The following PCDHGA3 variants were observed in gnomAD, a reference collection of about 807,000 sequenced individuals.
PCDHGA3 encodes protocadherin gamma subfamily A, 3, also known as protocadherin gamma-A3.
Under a neutral mutation model 58.5 loss-of-function variants are expected in PCDHGA3, and 40 were observed. The observed-to-expected ratio is 0.68, with a 90% CI of 0.53 to 0.89. The LOEUF is 0.89. Ranked by LOEUF, PCDHGA3 falls within the 40% of genes least tolerant of loss-of-function variation. The pLI, the probability that PCDHGA3 is intolerant of heterozygous loss-of-function variation, is 0.00. For missense variants in PCDHGA3, 1,223 were observed against 1,195.9 expected (o/e 1.02, Z -0.33); for synonymous variants, 530 against 525.7 (o/e 1.01, Z -0.11).
At position 141,486,348 on chromosome 5, in the gene PCDHGA3, A is replaced by G. The variant is rs754981437; in HGVS notation, c.2425-8459A>G. ...GATGTGAGCCTCCGCATTCCTGACC[A>G]CTTGCCATTTGCCCTCAAGTCTGCC... is the stretch of plus-strand genomic sequence containing the variant. On this transcript the variant is annotated intron_variant, in intron 1 of 3. Transcript: ENST00000253812. The surrounding 1 kb of genome is among the most constrained non-coding windows in gnomAD (Gnocchi z 5.0). 1.9e-6 allele frequency: 3 copies of G among 1,613,900 alleles called. No individual in the cohort carries two copies. The highest frequency in any genetic ancestry group is 2.5e-6 in the Non-Finnish European group (3 of 1,179,996).
Position 141,493,876 on chromosome 5 carries a change from G to T in PCDHGA3, c.2425-931G>T, listed in dbSNP as rs2099750541. 6.6e-6 allele frequency among the ~76,000 whole-genome samples: 1 copy of T among 152,194 alleles called. No homozygotes were observed. ...CAGCCCACCCCAGAACCAGTGAGGA[G>T]GTGGCTCTAGGAGTGCTCCATGAGA... On this transcript the variant is annotated intron_variant, in intron 1 of 3. Transcript: ENST00000253812. The surrounding 1 kb of genome is among the most constrained non-coding windows in gnomAD (Gnocchi z 4.3).
At chr5:141,478,576 G>A (rs543160289) in intron 1 of PCDHGA3, 1 of 1,585,480 alleles carries the variant, frequency 6.3e-7, no homozygotes, top group Non-Finnish European at 8.6e-7. Flanking sequence ...GCTTGACCCT[G>A]TTAGTGCTTT....
intron 1 of PCDHGA3, chr5:141,426,750 G>A (rs1287163824): frequency 2.2e-6 from 1 of 456,160 alleles, no homozygotes; most frequent in Non-Finnish European, 4.4e-6. Context: ...CCTGGAATCT[G>A]CTATAGATGC....
chr5:141,361,157 A>C, intron 1 of PCDHGA3: 1 of 1,613,974 alleles, frequency 6.2e-7, no homozygotes, highest in African/African-American at 1.3e-5. Context: ...CTTGATGACA[A>C]CGATTGTGCA....
intron 1 of PCDHGA3, chr5:141,419,537 C>G (rs368875631): frequency 1.2e-6 from 2 of 1,612,040 alleles, no homozygotes; most frequent in Non-Finnish European, 1.7e-6. Flanking sequence ...CGACAACGCA[C>G]CGCGGGTGCT....
At chr5:141,422,498 C>G in intron 1 of PCDHGA3, 1 of 1,613,966 alleles carries the variant, frequency 6.2e-7, no homozygotes. Context: ...ATAACGTTGA[C>G]AGCCACAGAC....
chr5:141,356,912 G>A, intron 1 of PCDHGA3: 1 of 1,614,130 alleles, frequency 6.2e-7, no homozygotes, highest in Non-Finnish European at 8.5e-7. Flanking sequence ...CCTACTGATG[G>A]CTCCACTGGT....
chr5:141,491,414 G>T lies in PCDHGA3; in HGVS notation c.2425-3393G>T, dbSNP rs137987971. ...CTTCAGGGAAACGCAGACGGGGACGGGGGTGGAGGGCAGTGCTGCAGGCGC... is the reference window on the plus strand; with the variant it reads ...CTTCAGGGAAACGCAGACGGGGACGTGGGTGGAGGGCAGTGCTGCAGGCGC... On this transcript the variant is annotated intron_variant, in intron 1 of 3. Coordinates refer to ENST00000253812, the MANE Select transcript of PCDHGA3 (RefSeq NM_018916.4). The surrounding 1 kb of genome is among the most constrained non-coding windows in gnomAD (Gnocchi z 6.9). 1.9e-6 allele frequency: 3 copies of T among 1,614,008 alleles called. No homozygotes were observed. Among genetic ancestry groups the T allele is most frequent in the Non-Finnish European group, 2.5e-6 (3 of 1,180,030 alleles).
intron 1 of PCDHGA3, among the ~76,000 whole-genome samples, chr5:141,430,204 AATT>A (rs1179966513): frequency 6.6e-6 from 1 of 151,962 alleles, no homozygotes; most frequent in African/African-American, 2.4e-5. Context: ...AGAAAGTTTA[AATT>A]ATTATATTAT....
chr5:141,364,942 A>G (rs768570129), intron 1 of PCDHGA3: 1 of 1,613,802 alleles, frequency 6.2e-7, no homozygotes, highest in East Asian at 2.2e-5. Context: ...ACCGCGAGAA[A>G]GAGACTGTTC....
chr5:141,360,700 C>T lies in PCDHGA3; in HGVS notation c.2424+14243C>T, dbSNP rs532971055. The T allele has an allele frequency of 1.2e-5, 19 of 1,613,916 alleles. No individual in the cohort carries two copies. The South Asian group carries it at 2.0e-4, about 17-fold the overall frequency. Reference sequence around the variant, plus strand: ...CGCTGAGAAACAGACTCCAGATGGTCGTAAATATCCTGAGTTGATTCTAAA... The same window carrying T: ...CGCTGAGAAACAGACTCCAGATGGTTGTAAATATCCTGAGTTGATTCTAAA... On this transcript the variant is annotated intron_variant, in intron 1 of 3. Coordinates refer to ENST00000253812, the MANE Select transcript of PCDHGA3 (RefSeq NM_018916.4).
chr5:141,345,931 T>A lies in PCDHGA3; in HGVS notation c.1898T>A (p.Leu633Gln), dbSNP rs761472035. 6.2e-7 allele frequency: 1 copy of A among 1,613,516 alleles called. No homozygotes were observed. The highest frequency in any genetic ancestry group is 8.5e-7 in the Non-Finnish European group (1 of 1,179,852). The change falls in exon 1 of 4, where the codon CTG becomes CAG. Residue 633 changes from leucine to glutamine, a missense_variant. Physicochemically the swap from Leu to Gln is moderately radical, Grantham distance 113. Coordinates refer to ENST00000253812, the MANE Select transcript of PCDHGA3 (RefSeq NM_018916.4). The part of the protein sequence containing the change: ...TGEVRTARAL[L>Q]DRDALKQSLV... ...GAGGTGCGCACGGCGCGAGCCCTGC[T>A]GGACAGAGACGCGCTCAAGCAGAGC... is the stretch of plus-strand genomic sequence containing the variant.
chr5:141,475,908 A>G (rs531350638), intron 1 of PCDHGA3: 110 of 585,688 alleles, frequency 1.9e-4, no homozygotes, highest in Non-Finnish European at 2.5e-4. Context: ...CTGTCGGCCA[A>G]TGAAGACGCT....
chr5:141,386,098 G>A (rs1384243905), intron 1 of PCDHGA3: 3 of 152,228 alleles, frequency 2.0e-5, no homozygotes, highest in Non-Finnish European at 4.4e-5. Flanking sequence ...GATGAAGTGT[G>A]TCTGTGGGCT....
Position 141,344,484 on chromosome 5 carries a change from C to G in PCDHGA3, c.451C>G (p.Arg151Gly). 2 of 1,613,882 alleles carry G rather than the reference C, an allele frequency of 1.2e-6. No homozygotes were observed. Among genetic ancestry groups the G allele is most frequent in the Non-Finnish European group, 1.7e-6 (2 of 1,179,848 alleles). ...TGGTGAACTAACGGTTCCTGGAACC[C>G]GATTTCCAATTAAAACTGCTTTTGA... ...KIGELTVPGT[R>G]FPIKTAFDPD... is the part of the protein sequence containing the mutation. Residue 151 changes from arginine (R) to glycine (G), a missense_variant, in exon 1 of 4, where the codon CGA becomes GGA. Arg to Gly is a moderately radical substitution (Grantham distance 125). This residue lies in a region of PCDHGA3 where 791 missense variants were observed against 708.5 expected (regional missense o/e 1.12). Transcript: ENST00000253812.
chr5:141,344,765 G>T lies in PCDHGA3; in HGVS notation c.732G>T (p.Gln244His), dbSNP rs370785144. The T allele has an allele frequency of 1.2e-5, 19 of 1,613,984 alleles. No individual in the cohort carries two copies. In the African/African-American group the frequency reaches 2.1e-4, roughly 18 times the overall value. Residue 244 changes from glutamine (Q) to histidine (H), a missense_variant, in exon 1 of 4, where the codon CAG becomes CAT. Gln to His is a conservative substitution (Grantham distance 24). Coordinates refer to ENST00000253812, the MANE Select transcript of PCDHGA3 (RefSeq NM_018916.4). ...ATGACAACCCACCAATGTTTACTCA[G>T]CCTGAGTACCGTGTGAGTGTTTGGG... ...DANDNPPMFT[Q>H]PEYRVSVWEN... is the part of the protein sequence containing the mutation.
chr5:141,404,047 A>G, intron 1 of PCDHGA3: 1 of 1,613,860 alleles, frequency 6.2e-7, no homozygotes, highest in Non-Finnish European at 8.5e-7. Context: ...AGGGAACAGT[A>G]ATTCTTCTTT....
intron 1 of PCDHGA3, chr5:141,404,970 C>G: frequency 6.2e-7 from 1 of 1,614,058 alleles, no homozygotes; most frequent in East Asian, 2.2e-5. Context: ...GACATCCTGG[C>G]TGACCTGGGC....
In PCDHGA3 at chr5:141,491,723, G is replaced by A. The variant is rs764792125; in HGVS notation, c.2425-3084G>A. The A allele has an allele frequency of 1.7e-5, 27 of 1,606,770 alleles. No individual in the cohort carries two copies. In the African/African-American group the frequency reaches 3.2e-4, roughly 19 times the overall value. On this transcript the variant is annotated intron_variant, in intron 1 of 3. Coordinates refer to ENST00000253812, the MANE Select transcript of PCDHGA3 (RefSeq NM_018916.4). The surrounding 1 kb of genome is among the most constrained non-coding windows in gnomAD (Gnocchi z 6.9). The stretch of plus-strand genomic sequence containing the variant: ...CAGGTGAGGGGCTCGGCGCCGCCCC[G>A]GGCGACCCCTGGGGGCGGCACTGGA...
Sources: allele counts gnomAD v4.1 joint callset (sites outside exome capture counted in the v4.1 genomes callset), GRCh38; gene constraint gnomAD v4.1.1; regional missense constraint gnomAD v4.1.1; non-coding constraint Gnocchi (gnomAD v3.1); transcripts MANE v1.5; gene names NCBI Gene and HGNC (gene_info 2026-07-23, HGNC 2026-07-21).